The following MSH4 variants were observed in gnomAD, a reference collection of about 807,000 sequenced individuals.
MSH4 encodes mutS homolog 4.
Under a neutral mutation model 113.7 loss-of-function variants are expected in MSH4, and 106 were observed. That is an observed-to-expected ratio of 0.93 (90% confidence interval 0.80 to 1.10). MSH4 has a LOEUF of 1.10. MSH4 is among the 50% of genes least tolerant of loss of function. MSH4 has a pLI of 0.00. For synonymous variants in MSH4, 368 were observed against 380.2 expected (o/e 0.97, Z 0.37); for missense variants, 1,061 against 1,093.7 (o/e 0.97, Z 0.42).
At chr1:75,844,031 G>A (rs908122922) in intron 7 of MSH4, among the ~76,000 whole-genome samples, 10 of 151,996 alleles carry the variant, frequency 6.6e-5, no homozygotes, top group Admixed American at 3.3e-4. Context: ...GGCTGGTCTC[G>A]AACTCCTGAC....
chr1:75,890,828 T>C lies in MSH4; in HGVS notation c.2355+4T>C, dbSNP rs761606662. On this transcript the variant is annotated splice_donor_region_variant and intron_variant, in intron 17 of 19. Transcript: ENST00000263187. ...TGAATATCTACTGAGCTTAAAGGTA[T>C]TCTTTTATTTTAAGTATATTGATTT... 1.6e-5 allele frequency: 24 copies of C among 1,539,582 alleles called. No individual in the cohort carries two copies. The highest frequency in any genetic ancestry group is 2.1e-5 in the Non-Finnish European group (24 of 1,122,612).
At chr1:75,904,407 T>C (rs1038483385) in intron 19 of MSH4, among the ~76,000 whole-genome samples, 3 of 152,198 alleles carry the variant, frequency 2.0e-5, no homozygotes, top group African/African-American at 7.2e-5. Context: ...CCCTCCTCTG[T>C]AATTAATTGA....
intron 8 of MSH4, among the ~76,000 whole-genome samples, chr1:75,860,623 C>T (rs986731979): frequency 2.6e-5 from 4 of 152,112 alleles, no homozygotes; most frequent in Middle Eastern, 3.2e-3. Context: ...GGGTTTCTGC[C>T]GAGAGATCCG....
At chr1:75,895,339 G>A (rs1198767577) in intron 17 of MSH4, among the ~76,000 whole-genome samples, 4 of 152,128 alleles carry the variant, frequency 2.6e-5, no homozygotes, top group African/African-American at 9.7e-5. Flanking sequence ...AAAGGTCTGT[G>A]GAAAACTACA....
chr1:75,810,674 A>C (rs1650171925), intron 3 of MSH4, 23 bp from the exon 4 acceptor site: 2 of 1,112,478 alleles, frequency 1.8e-6, no homozygotes, highest in Non-Finnish European at 1.3e-6. Flanking sequence ...TATTTAAGAA[A>C]TTGTTTATTC....
At chr1:75,890,617 T>C (rs1652230515) in intron 16 of MSH4, 79 bp from the exon 17 acceptor site, 1 of 682,152 alleles carries the variant, frequency 1.5e-6, no homozygotes, top group Non-Finnish European at 2.3e-6. Context: ...ATAAAGAGAC[T>C]GGGTTTCTCC....
chr1:75,839,213 C>A (rs1650897283), intron 7 of MSH4, among the ~76,000 whole-genome samples: 2 of 151,706 alleles, frequency 1.3e-5, no homozygotes. Context: ...TTTTCTATAT[C>A]TTTTTCTTTT....
intron 7 of MSH4, among the ~76,000 whole-genome samples, chr1:75,823,812 T>C (rs1650483788): frequency 6.6e-6 from 1 of 152,232 alleles, no homozygotes; most frequent in Admixed American, 6.5e-5. Flanking sequence ...GAACTCATTC[T>C]TTTTAATGGC....
intron 16 of MSH4, among the ~76,000 whole-genome samples, chr1:75,890,109 A>G (rs5745503): frequency 0.047 from 7,149 of 152,146 alleles, 207 homozygotes; most frequent in African/African-American, 0.064. Context: ...GTGTCATAAT[A>G]TAATAAAGAT....
At chr1:75,835,722 A>G (rs866168892) in intron 7 of MSH4, among the ~76,000 whole-genome samples, 4 of 152,130 alleles carry the variant, frequency 2.6e-5, no homozygotes, top group Admixed American at 6.6e-5. Flanking sequence ...CCTGGACTTC[A>G]TCTTTTCTAG....
At chr1:75,879,203 T>A in intron 12 of MSH4, 75 bp downstream of exon 12, 1 of 1,442,304 alleles carries the variant, frequency 6.9e-7, no homozygotes, top group Non-Finnish European at 9.5e-7. Flanking sequence ...TGGGACTTCT[T>A]GAGTTTTGCA....
At chr1:75,841,227 G>A (rs1032088117) in intron 7 of MSH4, among the ~76,000 whole-genome samples, 1 of 143,282 alleles carries the variant, frequency 7.0e-6, no homozygotes, top group Non-Finnish European at 1.5e-5. Flanking sequence ...CTTTCACAGG[G>A]TCTCACTCTG....
intron 15 of MSH4, among the ~76,000 whole-genome samples, chr1:75,884,625 T>C (rs773010832): frequency 2.0e-5 from 3 of 151,964 alleles, no homozygotes; most frequent in Non-Finnish European, 2.9e-5. Flanking sequence ...GCTCCCCTGC[T>C]TTCCTCACCC....
intron 7 of MSH4, among the ~76,000 whole-genome samples, chr1:75,831,532 G>C (rs1210938924): frequency 6.6e-6 from 1 of 152,124 alleles, no homozygotes; most frequent in Non-Finnish European, 1.5e-5. Flanking sequence ...CACATAGTTG[G>C]AAGTACAGCA....
Position 75,834,445 on chromosome 1 carries a change from A to G in MSH4, c.1162+11864A>G, listed in dbSNP as rs536934713. Among the ~76,000 whole-genome samples the G allele has an allele frequency of 6.6e-5, 10 of 152,356 alleles. No homozygotes were observed. In the South Asian group the frequency reaches 1.9e-3, roughly 28 times the overall value. ...CCATTACTGGGCATATACCCAAAGGATTGTAAATCATGCTGCTATAAAGAC... is the reference window on the plus strand; with the variant it reads ...CCATTACTGGGCATATACCCAAAGGGTTGTAAATCATGCTGCTATAAAGAC... On this transcript the variant is annotated intron_variant, in intron 7 of 19. Coordinates refer to ENST00000263187, the MANE Select transcript of MSH4 (RefSeq NM_002440.4).
At chr1:75,804,178 T>C (rs973855103) in intron 2 of MSH4, among the ~76,000 whole-genome samples, 4 of 152,194 alleles carry the variant, frequency 2.6e-5, no homozygotes, top group African/African-American at 9.6e-5. Context: ...CTCTCCCTTT[T>C]ATACATGATG....
intron 9 of MSH4, among the ~76,000 whole-genome samples, chr1:75,875,974 C>T (rs1047916216): frequency 6.6e-6 from 1 of 152,110 alleles, no homozygotes; most frequent in Non-Finnish European, 1.5e-5. Flanking sequence ...TGTACATAGA[C>T]TTCTATGTGC....
In MSH4 at chr1:75,897,962, A is replaced by G. The variant is rs2100588277; in HGVS notation, c.2411A>G (p.Tyr804Cys). The G allele has an allele frequency of 1.2e-6, 2 of 1,604,604 alleles. No homozygotes were observed. Among genetic ancestry groups the G allele is most frequent in the Non-Finnish European group, 1.7e-6 (2 of 1,175,232 alleles). Residue 804 changes from tyrosine to cysteine, a missense_variant, in exon 18 of 20, where the codon TAT becomes TGT. Coordinates refer to ENST00000263187, the MANE Select transcript of MSH4 (RefSeq NM_002440.4). ...FLELCHIDAL[Y>C]PNVENMHFEV... ...GAACTATGCCATATTGATGCCCTGT[A>G]TCCTAATGTAGAAAACATGCATTTT... is the stretch of plus-strand genomic sequence containing the variant.
intron 7 of MSH4, among the ~76,000 whole-genome samples, chr1:75,847,584 G>A (rs5745405): frequency 1.2e-3 from 189 of 152,218 alleles, no homozygotes; most frequent in African/African-American, 4.3e-3. Flanking sequence ...GTTTATTTGG[G>A]TCACAATTCC....
Sources: gnomAD v4.1 joint callset for allele counts (sites outside exome capture counted in the v4.1 genomes callset) on GRCh38, gnomAD v4.1.1 for gene constraint, MANE v1.5 for transcripts, NCBI Gene and HGNC (gene_info 2026-07-23, HGNC 2026-07-21) for gene names.